LIMD1: variants seen among roughly 807,000 people sequenced by gnomAD.
LIMD1 encodes LIM domain-containing protein 1.
Under a neutral mutation model 58.4 loss-of-function variants are expected in LIMD1, and 23 were observed. The ratio of observed to expected loss-of-function variants is 0.39; its 90% CI spans 0.28 to 0.56. The LOEUF (loss-of-function observed/expected upper bound fraction) is 0.56, where lower values mean the gene tolerates loss of function less well. Ranked by LOEUF, LIMD1 falls within the 20% of genes least tolerant of loss-of-function variation. LIMD1 has a pLI of 0.57. For missense variants in LIMD1, 838 were observed against 855.5 expected, an observed-to-expected ratio of 0.98 and a Z score of 0.25; for synonymous variants, 334 against 345.5, an observed-to-expected ratio of 0.97 and a Z score of 0.37.
chr3:45,614,734 T>C (rs975381946), intron 1 of LIMD1, among the ~76,000 whole-genome samples: 7 of 145,264 alleles, frequency 4.8e-5, no homozygotes, highest in African/African-American at 1.8e-4. Flanking sequence ...AAAAAAGTGA[T>C]AATAATAATA....
chr3:45,608,276 C>T (rs1701487272), intron 1 of LIMD1, among the ~76,000 whole-genome samples: 1 of 152,160 alleles, frequency 6.6e-6, no homozygotes, highest in Admixed American at 6.5e-5. Flanking sequence ...CTTTGAGCCT[C>T]AGAGCCAGTT....
chr3:45,672,477 G>A (rs560605023), intron 4 of LIMD1, among the ~76,000 whole-genome samples: 11 of 152,326 alleles, frequency 7.2e-5, no homozygotes, highest in African/African-American at 2.6e-4. Context: ...GGCTGCAGGA[G>A]AAGGATTCCT....
chr3:45,651,528 A>T (rs1322454990), intron 2 of LIMD1, among the ~76,000 whole-genome samples: 1 of 152,088 alleles, frequency 6.6e-6, no homozygotes, highest in African/African-American at 2.4e-5. Context: ...GAAGGAAGGG[A>T]TCCAGTTTCA....
At chr3:45,669,945 A>C (rs1386048033) in intron 4 of LIMD1, among the ~76,000 whole-genome samples, 1 of 152,226 alleles carries the variant, frequency 6.6e-6, no homozygotes, top group African/African-American at 2.4e-5. Flanking sequence ...TTTATAAAAC[A>C]TCAGTGACCC....
intron 1 of LIMD1, among the ~76,000 whole-genome samples, chr3:45,628,120 C>G (rs926853298): frequency 6.6e-6 from 1 of 152,142 alleles, no homozygotes; most frequent in Non-Finnish European, 1.5e-5. Context: ...GTGACAGCCC[C>G]AGCTAATTGC....
intron 2 of LIMD1, among the ~76,000 whole-genome samples, chr3:45,663,261 G>A (rs780767328): frequency 7.2e-5 from 11 of 152,104 alleles, no homozygotes; most frequent in African/African-American, 9.7e-5. Context: ...CAACGTTGCC[G>A]TGAACATCCA....
chr3:45,655,556 T>G (rs919193089), intron 2 of LIMD1, among the ~76,000 whole-genome samples: 3 of 152,206 alleles, frequency 2.0e-5, no homozygotes, highest in African/African-American at 7.2e-5. Context: ...TTGGTGGTTC[T>G]CAAAGTGTGG....
intron 2 of LIMD1, among the ~76,000 whole-genome samples, chr3:45,664,579 G>A (rs114014757): frequency 0.034 from 5,155 of 152,276 alleles, 85 homozygotes; most frequent in African/African-American, 0.041. Context: ...AGATGGATTT[G>A]TAGTTAAAGT....
At chr3:45,643,569 AAG>A (rs985212736) in intron 2 of LIMD1, among the ~76,000 whole-genome samples, 1 of 152,144 alleles carries the variant, frequency 6.6e-6, no homozygotes, top group Non-Finnish European at 1.5e-5. Flanking sequence ...TTTAAAAACT[AAG>A]ACGTTCATTT....
At chr3:45,596,354 C>G (rs778390603) in intron 1 of LIMD1, 67 bp downstream of exon 1, 9 of 1,281,710 alleles carry the variant, frequency 7.0e-6, no homozygotes, top group Non-Finnish European at 9.8e-6. Context: ...GGGAACATGC[C>G]CCCTACCAGG....
intron 1 of LIMD1, among the ~76,000 whole-genome samples, chr3:45,606,467 T>G (rs969947249): frequency 6.6e-6 from 1 of 151,738 alleles, no homozygotes; most frequent in Non-Finnish European, 1.5e-5. Context: ...ACTGGAGGAG[T>G]TGGGTCCCAC....
rs146453602 is a variant in LIMD1 at position 45,674,390 on chromosome 3, C to T, written c.1872C>T (p.His624=). ...IRVVSMDRDY[H]VECYHCEDCG... ...TCGTGTCCATGGACAGAGACTACCA[C>T]GTGGAGTGTTACCACTGCGAGGTAG... Residue 624 remains histidine (H), a synonymous_variant, in exon 7 of 8, where the codon CAC becomes CAT. Coordinates refer to ENST00000273317, the MANE Select transcript of LIMD1 (RefSeq NM_014240.3). 2.2e-5 allele frequency: 35 copies of T among 1,613,694 alleles called. No individual in the cohort carries two copies. Among genetic ancestry groups the T allele is most frequent in the African/African-American group, 5.3e-5 (4 of 74,872 alleles).
chr3:45,619,895 G>GAGTAATTTAGA (rs1411415824), intron 1 of LIMD1, among the ~76,000 whole-genome samples: 2 of 122,996 alleles, frequency 1.6e-5, no homozygotes, highest in African/African-American at 6.3e-5. Flanking sequence ...CCTAAATTAA[G>GAGTAATTTAGA]CTGAGACCTG....
rs755612596 is a variant in LIMD1 at position 45,595,099 on chromosome 3, A to G, written c.220A>G (p.Ser74Gly). Residue 74 changes from serine to glycine, a missense_variant, in exon 1 of 8, where the codon AGT (serine) becomes GGT (glycine). Physicochemically the swap from Ser to Gly is moderately conservative, Grantham distance 56. Coordinates refer to ENST00000273317, the MANE Select transcript of LIMD1 (RefSeq NM_014240.3). ...GCAGGAGGAGACTCTGCCCAGGGGG[A>G]GTAGAGGCCCTGTCAATGGAGGGGG... The part of the protein sequence containing the change: ...LLQEETLPRG[S>G]RGPVNGGGRL... 11 of 1,611,544 alleles carry G rather than the reference A, an allele frequency of 6.8e-6. No individual in the cohort carries two copies. Among genetic ancestry groups the G allele is most frequent in the Non-Finnish European group, 9.3e-6 (11 of 1,179,084 alleles).
chr3:45,663,555 C>T (rs1697471045), intron 2 of LIMD1, among the ~76,000 whole-genome samples: 1 of 152,090 alleles, frequency 6.6e-6, no homozygotes, highest in Admixed American at 6.6e-5. Context: ...GATAGAACAT[C>T]TTTTTATTAT....
chr3:45,647,785 A>C (rs1485435981), intron 2 of LIMD1, among the ~76,000 whole-genome samples: 1 of 151,856 alleles, frequency 6.6e-6, no homozygotes, highest in Non-Finnish European at 1.5e-5. Flanking sequence ...ATTAGTTCTA[A>C]CTTCCTTCCT....
chr3:45,669,014 A>G (rs997239060), intron 4 of LIMD1, among the ~76,000 whole-genome samples: 1 of 152,226 alleles, frequency 6.6e-6, no homozygotes, highest in African/African-American at 2.4e-5. Flanking sequence ...AGTCAAATGC[A>G]GAAAGCCAGA....
chr3:45,633,107 G>C (rs1234876841), intron 1 of LIMD1, among the ~76,000 whole-genome samples: 1 of 152,176 alleles, frequency 6.6e-6, no homozygotes. Context: ...ATTACTTGAT[G>C]CTTTCAGTTT....
chr3:45,601,926 A>G (rs532485809), intron 1 of LIMD1, among the ~76,000 whole-genome samples: 2 of 147,838 alleles, frequency 1.4e-5, no homozygotes, highest in East Asian at 2.0e-4. Flanking sequence ...TTCTTCCCCC[A>G]TATTTCAGGC....
Sources: allele counts gnomAD v4.1 joint callset (sites outside exome capture counted in the v4.1 genomes callset), GRCh38; gene constraint gnomAD v4.1.1; transcripts MANE v1.5; gene names NCBI Gene and HGNC (gene_info 2026-07-23, HGNC 2026-07-21).